Variants in ICE1 observed in about 807,000 individuals in gnomAD.
ICE1 encodes the protein little elongation complex subunit 1.
A neutral mutation model predicts 192.7 loss-of-function variants in ICE1; 64 were observed. The ratio of observed to expected loss-of-function variants is 0.33; its 90% CI spans 0.27 to 0.41. ICE1 has a LOEUF of 0.41. Among genes scored for constraint, ICE1 ranks in the 10% least tolerant of loss-of-function variants. The pLI is 1.00. For synonymous variants in ICE1, 1,010 were observed against 984.5 expected, an observed-to-expected ratio of 1.03 and a Z score of -0.49; for missense variants, 2,708 against 2,696.0, an observed-to-expected ratio of 1.00 and a Z score of -0.10.
chr5:5,439,865 A>T (rs1486766065), intron 3 of ICE1, 30 bp from the exon 4 acceptor site: 2 of 1,496,188 alleles, frequency 1.3e-6, no homozygotes, highest in Admixed American at 4.5e-5. Context: ...AGAAGATAAA[A>T]TTCTCAGAGT....
In ICE1 at chr5:5,462,081, CGGAGGT is replaced by C; in HGVS notation, c.2750_2755del (p.Glu917_Val918del). ...AGAGATGATACAACACAAAACATCACGGAGGTGGCTGCTGTGAAAAGCATTTCACCA... is the reference window on the plus strand; with the variant it reads ...AGAGATGATACAACACAAAACATCACGGCTGCTGTGAAAAGCATTTCACCA... On this transcript the variant is annotated inframe_deletion, in exon 13 of 19. Coordinates refer to ENST00000296564, the MANE Select transcript of ICE1 (RefSeq NM_015325.3). 2 of 1,613,894 alleles carry C rather than the reference CGGAGGT, an allele frequency of 1.2e-6. No homozygotes were observed. Among genetic ancestry groups the C allele is most frequent in the Non-Finnish European group, 1.7e-6 (2 of 1,179,844 alleles).
intron 17 of ICE1, among the ~76,000 whole-genome samples, chr5:5,481,278 T>C (rs758005082): frequency 5.9e-5 from 9 of 151,960 alleles, no homozygotes; most frequent in Non-Finnish European, 1.3e-4. Flanking sequence ...AGTCACACTT[T>C]AAAATATGGT....
chr5:5,432,663 C>A (rs1341276806), intron 1 of ICE1, among the ~76,000 whole-genome samples: 1 of 152,166 alleles, frequency 6.6e-6, no homozygotes, highest in Non-Finnish European at 1.5e-5. Context: ...AGTTTCTCCA[C>A]ATCATCATCA....
intron 15 of ICE1, 102 bp from the exon 16 acceptor site, chr5:5,473,456 A>G: frequency 1.0e-6 from 1 of 964,172 alleles, no homozygotes; most frequent in South Asian, 1.6e-5. Flanking sequence ...TTCAGATTAA[A>G]TGATTAGTCA....
intron 10 of ICE1, among the ~76,000 whole-genome samples, chr5:5,449,734 C>G (rs1026474086): frequency 1.3e-5 from 2 of 152,170 alleles, no homozygotes; most frequent in African/African-American, 2.4e-5. Context: ...CTTCTGGTTT[C>G]AAAAACTGTT....
chr5:5,480,841 T>G (rs1739484086), intron 17 of ICE1, among the ~76,000 whole-genome samples: 2 of 152,170 alleles, frequency 1.3e-5, no homozygotes, highest in South Asian at 4.1e-4. Context: ...AACAAGAGTG[T>G]AGGAGAACCA....
At position 5,461,109 on chromosome 5, in the gene ICE1, TGGAAAA is replaced by T; in HGVS notation, c.1782_1787del (p.Lys596_Glu597del). 3.7e-6 allele frequency: 6 copies of T among 1,613,996 alleles called. No homozygotes were observed. The highest frequency in any genetic ancestry group is 5.1e-6 in the Non-Finnish European group (6 of 1,179,890). ...CATTTTCACAGACTATCTAGAGAAT[TGGAAAA>T]GGAAAAAGAAGATACTCAAGGGTTC... On this transcript the variant is annotated inframe_deletion, in exon 13 of 19. Transcript: ENST00000296564.
At chr5:5,441,006 C>CTTTTTTT in intron 4 of ICE1, 106 bp from the exon 5 acceptor site, 1 of 668,154 alleles carries the variant, frequency 1.5e-6, no homozygotes, top group Non-Finnish European at 2.5e-6. Context: ...CTTTTTCATC[C>CTTTTTTT]TTTTTTTTGT....
At position 5,457,843 on chromosome 5, in the gene ICE1, A is replaced by T. The variant is rs538007269; in HGVS notation, c.1101+102A>T. On this transcript the variant is annotated intron_variant, in intron 12 of 18. Coordinates refer to ENST00000296564, the MANE Select transcript of ICE1 (RefSeq NM_015325.3). ...TATTAGTGATATTCTTGCACAGATT[A>T]TTCATTTTAGCCAATTTTGTTAGGG... is the stretch of plus-strand genomic sequence containing the variant. 8.8e-5 allele frequency: 110 copies of T among 1,249,852 alleles called. 1 individual carries two copies. In the South Asian group the frequency reaches 1.5e-3, roughly 17 times the overall value. 77.4% of individuals were successfully genotyped at this position (1,249,852 alleles called of 1,614,324 possible).
At chr5:5,467,387 C>T (rs1030181579) in intron 14 of ICE1, among the ~76,000 whole-genome samples, 7 of 152,138 alleles carry the variant, frequency 4.6e-5, no homozygotes, top group Non-Finnish European at 1.0e-4. Flanking sequence ...TGGGCTCGGC[C>T]AGGACCACGA....
At chr5:5,442,270 C>T (rs1393071180) in intron 5 of ICE1, among the ~76,000 whole-genome samples, 1 of 152,232 alleles carries the variant, frequency 6.6e-6, no homozygotes, top group East Asian at 1.9e-4. Flanking sequence ...CCTCTTCTCT[C>T]TAGGCGCTTC....
At chr5:5,444,779 G>A (rs1738163084) in intron 7 of ICE1, among the ~76,000 whole-genome samples, 1 of 152,138 alleles carries the variant, frequency 6.6e-6, no homozygotes, top group African/African-American at 2.4e-5. Context: ...GGATTGTCCA[G>A]TTTGTACCTG....
intron 11 of ICE1, among the ~76,000 whole-genome samples, chr5:5,456,626 C>A (rs1738590141): frequency 6.6e-6 from 1 of 152,006 alleles, no homozygotes; most frequent in African/African-American, 2.4e-5. Flanking sequence ...CAAGATGTTT[C>A]CATCTCTGCT....
intron 5 of ICE1, among the ~76,000 whole-genome samples, chr5:5,441,922 A>G (rs1738064374): frequency 6.6e-6 from 1 of 152,170 alleles, no homozygotes; most frequent in Non-Finnish European, 1.5e-5. Context: ...TGCTTTTATA[A>G]GTAAGCGTTC....
At chr5:5,436,691 G>A (rs2111341445) in intron 2 of ICE1, among the ~76,000 whole-genome samples, 1 of 152,298 alleles carries the variant, frequency 6.6e-6, no homozygotes, top group Middle Eastern at 3.4e-3. Context: ...GGGTTAGTAG[G>A]AAGTTGTTTT....
intron 15 of ICE1, among the ~76,000 whole-genome samples, chr5:5,472,220 A>G (rs2111395395): frequency 6.6e-6 from 1 of 152,358 alleles, no homozygotes; most frequent in African/African-American, 2.4e-5. Context: ...TCTAATAAGC[A>G]TAATCTTTTA....
chr5:5,466,425 G>T lies in ICE1; in HGVS notation c.5984G>T (p.Arg1995Met). The change falls in exon 14 of 19, where the codon AGG becomes ATG. Residue 1995 changes from arginine (R) to methionine (M), a missense_variant. Transcript: ENST00000296564. ...CACAATTACATTCACGCCCTCTGCA[G>T]GGTGTATGTGGGTATTTGTCGGCAA... ...MDHNYIHALC[R>M]VYVGICRQLG... The T allele has an allele frequency of 1.2e-6, 2 of 1,613,674 alleles. No individual in the cohort carries two copies. The highest frequency in any genetic ancestry group is 1.7e-6 in the Non-Finnish European group (2 of 1,179,778).
At chr5:5,474,070 C>T (rs1370430048) in intron 16 of ICE1, among the ~76,000 whole-genome samples, 4 of 151,760 alleles carry the variant, frequency 2.6e-5, no homozygotes, top group Non-Finnish European at 5.9e-5. Flanking sequence ...ATTAGCTGGG[C>T]GTGGTGGTGG....
chr5:5,454,699 C>A, intron 11 of ICE1, 61 bp downstream of exon 11: 2 of 1,241,642 alleles, frequency 1.6e-6, no homozygotes, highest in Non-Finnish European at 2.3e-6. Context: ...TAACCATAGG[C>A]ATAGCAGCCG....
Sources: allele counts gnomAD v4.1 joint callset (sites outside exome capture counted in the v4.1 genomes callset), GRCh38; gene constraint gnomAD v4.1.1; transcripts MANE v1.5; gene names NCBI Gene and HGNC (gene_info 2026-07-23, HGNC 2026-07-21).